ATL3: variants seen among roughly 807,000 people sequenced by gnomAD.
ATL3 encodes the protein atlastin-3.
A neutral mutation model predicts 69.5 loss-of-function variants in ATL3; 49 were observed. The ratio of observed to expected loss-of-function variants is 0.71; its 90% CI spans 0.56 to 0.89. The LOEUF (loss-of-function observed/expected upper bound fraction) is 0.89, where lower values mean the gene tolerates loss of function less well. Ranked by LOEUF, ATL3 falls within the 40% of genes least tolerant of loss-of-function variation. The probability of loss-of-function intolerance (pLI) is 0.00; values close to 1 mark genes in which losing one functional copy is unlikely to be tolerated. For synonymous variants in ATL3, 214 were observed against 224.1 expected, an observed-to-expected ratio of 0.95 and a Z score of 0.40; for missense variants, 606 against 645.7, an observed-to-expected ratio of 0.94 and a Z score of 0.67.
chr11:63,643,627 A>G, intron 7 of ATL3, 132 bp from the exon 8 acceptor site: 2 of 737,046 alleles, frequency 2.7e-6, no homozygotes, highest in Non-Finnish European at 4.2e-6. Context: ...GAGAAAACTC[A>G]GAACCCTAAG....
At chr11:63,652,421 C>G in intron 4 of ATL3, 50 bp downstream of exon 4, 1 of 1,197,014 alleles carries the variant, frequency 8.4e-7, no homozygotes, top group Non-Finnish European at 1.2e-6. Context: ...TATTTCCTCC[C>G]TTTATCTTAT....
chr11:63,659,391 C>T lies in ATL3; in HGVS notation c.47-139G>A, dbSNP rs1327742067. ...CCTATAATCACAGCACTTTGGGAAA[C>T]CAAAGCAGAAAGATTACTTGAGGCC... is the stretch of plus-strand genomic sequence containing the variant. On this transcript the variant is annotated intron_variant, in intron 1 of 12. Coordinates refer to ENST00000398868, the MANE Select transcript of ATL3 (RefSeq NM_015459.5). The T allele has an allele frequency of 2.5e-5, 17 of 679,688 alleles. No individual in the cohort carries two copies. In the South Asian group the frequency reaches 3.3e-4, roughly 13 times the overall value. 42.1% of individuals were successfully genotyped at this position (679,688 alleles called of 1,614,324 possible).
chr11:63,644,769 T>G (rs922717190), intron 6 of ATL3, among the ~76,000 whole-genome samples: 5 of 152,196 alleles, frequency 3.3e-5, no homozygotes, highest in African/African-American at 1.2e-4. Context: ...GAGGTCAATA[T>G]ATCCTATCTG....
chr11:63,668,000 T>TA (rs1215414080), intron 1 of ATL3, among the ~76,000 whole-genome samples: 7 of 152,086 alleles, frequency 4.6e-5, no homozygotes, highest in Non-Finnish European at 2.9e-5. Context: ...GAAGAGGCAA[T>TA]ATTACCATAG....
chr11:63,658,577 A>G lies in ATL3; in HGVS notation c.405+184T>C, dbSNP rs527352018. Among the ~76,000 whole-genome samples, 13 of 152,378 alleles carry G rather than the reference A, an allele frequency of 8.5e-5. No homozygotes were observed. The South Asian group carries it at 2.3e-3, about 27-fold the overall frequency. On this transcript the variant is annotated intron_variant, in intron 3 of 12. Coordinates refer to ENST00000398868, the MANE Select transcript of ATL3 (RefSeq NM_015459.5). The stretch of plus-strand genomic sequence containing the variant: ...AGCTACAACTTCGCATACCTGTGTC[A>G]GAAAATCCTATTTATCCACAACAGA...
chr11:63,659,455 C>A (rs914860581), intron 1 of ATL3, among the ~76,000 whole-genome samples: 2 of 151,946 alleles, frequency 1.3e-5, no homozygotes, highest in African/African-American at 4.8e-5. Flanking sequence ...TGAAACCCAG[C>A]GCTATGAAAT....
At chr11:63,645,695 A>C (rs1402233267) in intron 6 of ATL3, among the ~76,000 whole-genome samples, 1 of 151,894 alleles carries the variant, frequency 6.6e-6, no homozygotes, top group African/African-American at 2.4e-5. Flanking sequence ...GGCTTAAGTG[A>C]TCCTCCTACC....
rs1939192447 is a variant in ATL3 at position 63,628,488 on chromosome 11, G to A, written c.*831C>T. On this transcript the variant is annotated 3_prime_UTR_variant, in exon 13 of 13. Transcript: ENST00000398868. ...TTTGAGTGTAATGACATCATTTTCAGTTAGTCTTTAGTTCTGAAGTTTCTC... is the reference window on the plus strand; with the variant it reads ...TTTGAGTGTAATGACATCATTTTCAATTAGTCTTTAGTTCTGAAGTTTCTC... The A allele has an allele frequency of 6.6e-6, 1 of 152,084 alleles. No individual in the cohort carries two copies. 9.4% of individuals were successfully genotyped at this position (152,084 alleles called of 1,614,324 possible).
chr11:63,669,295 G>A (rs1408067802), intron 1 of ATL3, among the ~76,000 whole-genome samples: 1 of 152,078 alleles, frequency 6.6e-6, no homozygotes, highest in Non-Finnish European at 1.5e-5. Flanking sequence ...AGCACTTTGG[G>A]AGGCCGAGCT....
At chr11:63,659,952 C>G (rs915014360) in intron 1 of ATL3, among the ~76,000 whole-genome samples, 2 of 151,758 alleles carry the variant, frequency 1.3e-5, no homozygotes, top group African/African-American at 4.8e-5. Context: ...ATGGGTGCAG[C>G]ACACCAGCAT....
rs1399385939 is a variant in ATL3, at chr11:63,626,351, C to T, written c.*2968G>A. The stretch of plus-strand genomic sequence containing the variant: ...GCGAGATTGCACCACTGCACTCCAA[C>T]CTGGGCGACAGAGCGAGACCTCTGT... On this transcript the variant is annotated 3_prime_UTR_variant, in exon 13 of 13. Coordinates refer to ENST00000398868, the MANE Select transcript of ATL3 (RefSeq NM_015459.5). The T allele has an allele frequency of 2.6e-5, 4 of 152,142 alleles. No homozygotes were observed. Among genetic ancestry groups the T allele is most frequent in the Non-Finnish European group, 5.9e-5 (4 of 68,076 alleles). The allele number at this position is 152,142 out of a possible 1,614,324, so 9.4% of individuals were successfully genotyped here.
chr11:63,644,367 A>AGAGAC, intron 6 of ATL3, 106 bp from the exon 7 acceptor site: 1 of 596,604 alleles, frequency 1.7e-6, no homozygotes, highest in Admixed American at 3.3e-5. Context: ...AAGGGGGTAA[A>AGAGAC]GTAGAAGGAT....
At position 63,626,559 on chromosome 11, in the gene ATL3, CTT is replaced by C. The variant is rs1361807944; in HGVS notation, c.*2758_*2759del. On this transcript the variant is annotated 3_prime_UTR_variant, in exon 13 of 13. Coordinates refer to ENST00000398868, the MANE Select transcript of ATL3 (RefSeq NM_015459.5). ...AAATTATTTTTTCAAATTATCAACA[CTT>C]AATTTATCCTGAAATATTTTAATAG... 6.6e-6 allele frequency: 1 copy of C among 152,134 alleles called. No homozygotes were observed. Among genetic ancestry groups the C allele is most frequent in the Non-Finnish European group, 1.5e-5 (1 of 68,016 alleles). The allele number at this position is 152,134 out of a possible 1,614,324, so 9.4% of individuals were successfully genotyped here.
intron 8 of ATL3, among the ~76,000 whole-genome samples, chr11:63,641,479 G>A (rs572631234): frequency 6.6e-6 from 1 of 152,296 alleles, no homozygotes; most frequent in South Asian, 2.1e-4. Flanking sequence ...AAAGACTGGT[G>A]TGCTCACAAG....
chr11:63,660,657 C>T (rs1940392476), intron 1 of ATL3, among the ~76,000 whole-genome samples: 1 of 152,062 alleles, frequency 6.6e-6, no homozygotes, highest in Non-Finnish European at 1.5e-5. Flanking sequence ...ATAGTCCCAG[C>T]TACTTGGAGA....
rs1380944754 is a variant in ATL3 at position 63,649,572 on chromosome 11, C to T, written c.561+2364G>A. ...TTAAAGACAGAGTCTCACTCTGTTG[C>T]CCAGACTGGAGTGCAGTGGTGTGCT... On this transcript the variant is annotated intron_variant, in intron 5 of 12. Transcript: ENST00000398868. Among the ~76,000 whole-genome samples, 5 of 151,734 alleles carry T rather than the reference C, an allele frequency of 3.3e-5. No homozygotes were observed. In the East Asian group the frequency reaches 5.8e-4, roughly 18 times the overall value.
At chr11:63,636,704 A>C (rs1053178442) in intron 8 of ATL3, among the ~76,000 whole-genome samples, 1 of 150,644 alleles carries the variant, frequency 6.6e-6, no homozygotes, top group Non-Finnish European at 1.5e-5. Flanking sequence ...GCACCATTGC[A>C]CTCCAGGCTG....
Position 63,664,780 on chromosome 11 carries a change from G to C in ATL3, c.47-5528C>G, listed in dbSNP as rs184566357. Among the ~76,000 whole-genome samples the C allele has an allele frequency of 2.0e-4, 30 of 151,534 alleles. No homozygotes were observed. The East Asian group carries it at 3.9e-3, about 19-fold the overall frequency. ...GCACCTCCATGCCCGGCTAATTTTT[G>C]TATTTTTAGTAGATAGAAGGTTTCA... is the stretch of plus-strand genomic sequence containing the variant. On this transcript the variant is annotated intron_variant, in intron 1 of 12. Transcript: ENST00000398868.
chr11:63,631,075 C>T lies in ATL3; in HGVS notation c.1504G>A (p.Ala502Thr). ...ACATATGCGGCACCAAAATCAATAG[C>T]TCCGCCCAGCTCACGATATTGACCA... ...YSGQYRELGG[A>T]IDFGAAYVLE... Residue 502 changes from alanine to threonine, a missense_variant, in exon 12 of 13, where the codon GCT becomes ACT. By Grantham distance (58) the Ala-to-Thr change is moderately conservative. Transcript: ENST00000398868. 1 of 1,613,752 alleles carries T rather than the reference C, an allele frequency of 6.2e-7. No homozygotes were observed. Among genetic ancestry groups the T allele is most frequent in the Non-Finnish European group, 8.5e-7 (1 of 1,179,832 alleles).
Sources: gnomAD v4.1 joint callset for allele counts (sites outside exome capture counted in the v4.1 genomes callset) on GRCh38, gnomAD v4.1.1 for gene constraint, MANE v1.5 for transcripts, NCBI Gene and HGNC (gene_info 2026-07-23, HGNC 2026-07-21) for gene names.